PATZ1: variants seen among roughly 807,000 people sequenced by gnomAD.
The protein encoded by PATZ1 is POZ/BTB and AT hook containing zinc finger 1.
In PATZ1, 9 loss-of-function variants were observed where a neutral mutation model predicts 46.2. That is an observed-to-expected ratio of 0.19 (90% CI 0.12 to 0.34). The LOEUF (loss-of-function observed/expected upper bound fraction) is 0.34. PATZ1 is among the 10% of genes least tolerant of loss of function. The probability of loss-of-function intolerance (pLI) is 1.00; values close to 1 mark genes in which losing one functional copy is unlikely to be tolerated. For synonymous variants in PATZ1, 426 were observed against 378.6 expected (o/e 1.13, Z -1.45); for missense variants, 632 against 923.0 (o/e 0.68, Z 4.08).
chr22:31,343,105 G>C, intron 1 of PATZ1, 145 bp from the exon 2 acceptor site: 1 of 1,438,640 alleles, frequency 7.0e-7, no homozygotes, highest in Non-Finnish European at 9.2e-7. Context: ...CAAAGACAAA[G>C]TCACCACCCA....
chr22:31,343,919 G>A (rs1476532025), intron 1 of PATZ1, among the ~76,000 whole-genome samples: 1 of 151,690 alleles, frequency 6.6e-6, no homozygotes, highest in Admixed American at 6.6e-5. Flanking sequence ...AGTGTAGGGA[G>A]TCCCAGATGC....
At chr22:31,331,344 CTTTT>C (rs36079277) in intron 3 of PATZ1, among the ~76,000 whole-genome samples, 1 of 140,688 alleles carries the variant, frequency 7.1e-6, no homozygotes, top group African/African-American at 2.7e-5. Flanking sequence ...TAATTTTTTC[CTTTT>C]TTTTTTTTTT....
At position 31,345,240 on chromosome 22, in the gene PATZ1, G is replaced by A. The variant is rs750266310; in HGVS notation, c.363C>T (p.Ala121=). ...AGCGCACCACGATGCGGGAAGTGTA[G>A]GCGAAGTCCAGAATGTCCCCAAATA... ...SKVFGDILDF[A]YTSRIVVRLE... is the part of the protein sequence containing the mutation. The change falls in exon 1 of 5, where the codon GCC becomes GCT. Residue 121 remains alanine, a synonymous_variant. Transcript: ENST00000266269. This position sits in a 1 kb window ranked among gnomAD's most constrained non-coding sequence, Gnocchi z 7.4. 6.2e-7 allele frequency: 1 copy of A among 1,613,566 alleles called. No homozygotes were observed.
intron 2 of PATZ1, among the ~76,000 whole-genome samples, chr22:31,339,738 G>C (rs1368723614): frequency 1.3e-5 from 2 of 152,230 alleles, no homozygotes; most frequent in Admixed American, 6.5e-5. Context: ...GGCACCCTGA[G>C]TGCAGGTCAT....
chr22:31,342,797 T>TCAGCCGGGCC, intron 2 of PATZ1, 100 bp downstream of exon 2: 1 of 1,322,424 alleles, frequency 7.6e-7, no homozygotes, highest in Non-Finnish European at 1.1e-6. Flanking sequence ...CGGTGGGCGG[T>TCAGCCGGGCC]CAGCCGGGCC....
chr22:31,327,954 TC>T lies in PATZ1; in HGVS notation c.1646-646del, dbSNP rs879314232. On this transcript the variant is annotated intron_variant, in intron 4 of 4. Coordinates refer to ENST00000266269, the MANE Select transcript of PATZ1 (RefSeq NM_014323.3). This position sits in a 1 kb window ranked among gnomAD's most constrained non-coding sequence, Gnocchi z 4.2. ...TCTGTACTACTCAGTCGGCTGGGTGTCCCCACCCTAGGCCCCAGACAAGCTG... is the reference window on the plus strand; with the variant it reads ...TCTGTACTACTCAGTCGGCTGGGTGTCCCACCCTAGGCCCCAGACAAGCTG... Among the ~76,000 whole-genome samples, 2 of 152,150 alleles carry T rather than the reference TC, an allele frequency of 1.3e-5. No homozygotes were observed. Among genetic ancestry groups the T allele is most frequent in the Non-Finnish European group, 2.9e-5 (2 of 68,036 alleles).
In PATZ1 at chr22:31,344,347, C is replaced by T. The variant is rs1489668430; in HGVS notation, c.1256G>A (p.Gly419Glu). Residue 419 changes from glycine (G) to glutamate (E), a missense_variant, in exon 1 of 5, where the codon GGG (glycine) becomes GAG (glutamate). By Grantham distance (98) the Gly-to-Glu change is moderately conservative (BLOSUM62 -2). Coordinates refer to ENST00000266269, the MANE Select transcript of PATZ1 (RefSeq NM_014323.3). ...VGKPYICQSC[G>E]KGFSRPDHLN... The stretch of plus-strand genomic sequence containing the variant: ...CTTTCCTCACCTGGAGAAGCCTTTC[C>T]CACAGCTCTGGCAGATGTAAGGCTT... 6.2e-7 allele frequency: 1 copy of T among 1,606,968 alleles called. No homozygotes were observed. The highest frequency in any genetic ancestry group is 8.5e-7 in the Non-Finnish European group (1 of 1,176,006).
At chr22:31,333,687 TGATCCA>T (rs1295065074) in intron 3 of PATZ1, among the ~76,000 whole-genome samples, 1 of 152,214 alleles carries the variant, frequency 6.6e-6, no homozygotes, top group Non-Finnish European at 1.5e-5. Flanking sequence ...GTTTGGCCTG[TGATCCA>T]GACCCAGTCT....
chr22:31,340,886 A>G (rs1254228544), intron 2 of PATZ1: 1 of 1,064,280 alleles, frequency 9.4e-7, no homozygotes, highest in Non-Finnish European at 1.1e-6. Flanking sequence ...ACAAAAGTCT[A>G]CTTCACTAGC....
chr22:31,336,805 CAAAAAAA>C (rs747328196), intron 2 of PATZ1, among the ~76,000 whole-genome samples: 49 of 64,510 alleles, frequency 7.6e-4, no homozygotes, highest in African/African-American at 1.2e-3. Context: ...GACTTCCTCT[CAAAAAAA>C]AAAAAAAAAA....
At chr22:31,332,847 C>G (rs968024501) in intron 3 of PATZ1, among the ~76,000 whole-genome samples, 1 of 152,236 alleles carries the variant, frequency 6.6e-6, no homozygotes, top group African/African-American at 2.4e-5. Context: ...TTCCTCTTCA[C>G]CATACCAGCA....
At chr22:31,342,091 G>A (rs535396638) in intron 2 of PATZ1, among the ~76,000 whole-genome samples, 1 of 152,248 alleles carries the variant, frequency 6.6e-6, no homozygotes, top group South Asian at 2.1e-4. Context: ...TCACTTGATG[G>A]GAACTTGGCA....
At position 31,327,433 on chromosome 22, in the gene PATZ1, G is replaced by A. The variant is rs1045287727; in HGVS notation, c.1646-124C>T. ...GCAGCCATTGGCCAGCCACTGCCCT[G>A]GCAGAACCCACGGAGGGTCAGCTGG... On this transcript the variant is annotated intron_variant, in intron 4 of 4. Coordinates refer to ENST00000266269, the MANE Select transcript of PATZ1 (RefSeq NM_014323.3). The surrounding 1 kb of genome is among the most constrained non-coding windows in gnomAD (Gnocchi z 4.2). The A allele has an allele frequency of 5.1e-6, 4 of 790,500 alleles. No individual in the cohort carries two copies. The highest frequency in any genetic ancestry group is 8.0e-6 in the Non-Finnish European group (4 of 500,130). The allele number at this position is 790,500 out of a possible 1,614,324, so 49.0% of individuals were successfully genotyped here. A position where few individuals can be genotyped will look rare whatever the true frequency, so the allele number is the denominator to read the frequency against.
In PATZ1 at chr22:31,326,910, A is replaced by T. The variant is rs1262311351; in HGVS notation, c.2045T>A (p.Met682Lys). 14 of 1,613,536 alleles carry T rather than the reference A, an allele frequency of 8.7e-6. No individual in the cohort carries two copies. Among genetic ancestry groups the T allele is most frequent in the Non-Finnish European group, 1.2e-5 (14 of 1,179,656 alleles). ...GCTGCCTCATTTCCCTTCAGGCCCC[A>T]TGGGCTGCTGGTCAACCTCAGGATC... Reference protein sequence around the residue: ...LVDPEVDQQPMGPEGK With the variant: ...LVDPEVDQQPKGPEGK The change falls in exon 5 of 5, where the codon ATG becomes AAG. Residue 682 changes from methionine (M) to lysine (K), a missense_variant. Around this residue, in one of 7 missense-constraint regions of PATZ1, gnomAD observed 176 missense variants for 249.4 expected, o/e 0.71. Transcript: ENST00000266269.
intron 3 of PATZ1, among the ~76,000 whole-genome samples, chr22:31,333,143 T>C (rs963427085): frequency 7.2e-5 from 11 of 152,336 alleles, no homozygotes; most frequent in Admixed American, 1.3e-4. Context: ...CAGGCTGCCT[T>C]TCCTCTTTGC....
At chr22:31,330,500 A>G (rs1034737384) in intron 3 of PATZ1, among the ~76,000 whole-genome samples, 1 of 151,432 alleles carries the variant, frequency 6.6e-6, no homozygotes, top group Admixed American at 6.6e-5. Context: ...CTCCGTCTCA[A>G]AAAAAAAAGA....
chr22:31,327,386 C>T lies in PATZ1; in HGVS notation c.1646-77G>A. 1 of 1,248,450 alleles carries T rather than the reference C, an allele frequency of 8.0e-7. No homozygotes were observed. Among genetic ancestry groups the T allele is most frequent in the South Asian group, 1.4e-5 (1 of 73,178 alleles). 77.3% of individuals were successfully genotyped at this position (1,248,450 alleles called of 1,614,324 possible). ...CCCCTCCTGGAGGGGTCATGAGGGG[C>T]CAGCTCACAGACCTGTGGAGGGCAG... is the stretch of plus-strand genomic sequence containing the variant. On this transcript the variant is annotated intron_variant, in intron 4 of 4. Transcript: ENST00000266269. The surrounding 1 kb of genome is among the most constrained non-coding windows in gnomAD (Gnocchi z 4.2).
At chr22:31,332,480 C>T (rs185848588) in intron 3 of PATZ1, among the ~76,000 whole-genome samples, 23 of 152,360 alleles carry the variant, frequency 1.5e-4, no homozygotes, top group Admixed American at 3.9e-4. Flanking sequence ...GCCACCGGCC[C>T]TTTCACTCCA....
intron 2 of PATZ1, among the ~76,000 whole-genome samples, chr22:31,336,742 G>T (rs1394800249): frequency 6.8e-6 from 1 of 146,974 alleles, no homozygotes; most frequent in Non-Finnish European, 1.5e-5. Context: ...GGAGGTAGAG[G>T]TTGCAGTGAG....
Sources: gnomAD v4.1 joint callset for allele counts (sites outside exome capture counted in the v4.1 genomes callset) on GRCh38, gnomAD v4.1.1 for gene constraint, gnomAD v4.1.1 regional missense constraint, Gnocchi (gnomAD v3.1) non-coding constraint, MANE v1.5 for transcripts, NCBI Gene and HGNC (gene_info 2026-07-23, HGNC 2026-07-21) for gene names.